Variants in FBXL17 observed in about 807,000 individuals in gnomAD.
FBXL17 encodes the protein F-box/LRR-repeat protein 17.
A neutral mutation model predicts 66.2 loss-of-function variants in FBXL17; 22 were observed. That is an observed-to-expected ratio of 0.33 (90% CI 0.24 to 0.47). The LOEUF (loss-of-function observed/expected upper bound fraction) is 0.47, where lower values mean the gene tolerates loss of function less well. Ranked by LOEUF, FBXL17 falls within the 20% of genes least tolerant of loss-of-function variation. The pLI is 1.00. For missense variants in FBXL17, 878 were observed against 948.2 expected (o/e 0.93, Z 0.97); for synonymous variants, 474 against 400.5 (o/e 1.18, Z -2.19).
intron 1 of FBXL17, among the ~76,000 whole-genome samples, chr5:108,377,429 A>T (rs1001710263): frequency 6.6e-6 from 1 of 152,212 alleles, no homozygotes; most frequent in Admixed American, 6.5e-5. Context: ...TTTATCGACA[A>T]AGGTTTTTAC....
intron 7 of FBXL17, among the ~76,000 whole-genome samples, chr5:107,882,630 A>G (rs1388167475): frequency 6.6e-6 from 1 of 152,196 alleles, no homozygotes; most frequent in Non-Finnish European, 1.5e-5. Context: ...TCTGAATACT[A>G]TTTTTGTATA....
At chr5:108,138,426 A>G (rs1478240280) in intron 6 of FBXL17, among the ~76,000 whole-genome samples, 1 of 152,072 alleles carries the variant, frequency 6.6e-6, no homozygotes, top group Non-Finnish European at 1.5e-5. Context: ...GGGCTTTTGG[A>G]TTGTGTGTAG....
intron 6 of FBXL17, among the ~76,000 whole-genome samples, chr5:108,157,896 T>C (rs1251142583): frequency 6.6e-6 from 1 of 152,032 alleles, no homozygotes; most frequent in Non-Finnish European, 1.5e-5. Context: ...TTAATACTCA[T>C]TGCCATTTTA....
At chr5:108,221,904 T>C (rs1334072994) in intron 5 of FBXL17, among the ~76,000 whole-genome samples, 1 of 152,158 alleles carries the variant, frequency 6.6e-6, no homozygotes. Flanking sequence ...TTTACTTGAA[T>C]CCAGAAAACT....
intron 6 of FBXL17, among the ~76,000 whole-genome samples, chr5:108,050,744 C>G (rs1439907296): frequency 6.6e-6 from 1 of 151,698 alleles, no homozygotes; most frequent in Admixed American, 6.6e-5. Flanking sequence ...AAACTCCCCC[C>G]CAAAAAATGA....
rs572331920 is a variant in FBXL17 at position 108,020,940 on chromosome 5, T to C, written c.1807A>G (p.Lys603Glu). 6.2e-7 allele frequency: 1 copy of C among 1,609,030 alleles called. No individual in the cohort carries two copies. The highest frequency in any genetic ancestry group is 2.2e-5 in the East Asian group (1 of 44,728). The part of the protein sequence containing the change: ...NLKELYLVSC[K>E]ITDYALIAIG... The stretch of plus-strand genomic sequence containing the variant: ...CATTACCTACCATAATCTGTGATTT[T>C]ACAGGACACCAAATATAGCTCTTTC... Residue 603 changes from lysine to glutamate, a missense_variant, in exon 7 of 9, where the codon AAA (lysine) becomes GAA (glutamate). This residue lies in a region of FBXL17 where 236 missense variants were observed against 389.1 expected (regional missense o/e 0.61). Transcript: ENST00000542267.
intron 6 of FBXL17, among the ~76,000 whole-genome samples, chr5:108,120,164 A>G (rs560404891): frequency 6.6e-6 from 1 of 152,328 alleles, no homozygotes; most frequent in East Asian, 1.9e-4. Context: ...AATGCAAAAC[A>G]TTCCCCTATT....
At chr5:107,876,959 T>C (rs954939632) in intron 8 of FBXL17, among the ~76,000 whole-genome samples, 11 of 152,296 alleles carry the variant, frequency 7.2e-5, no homozygotes, top group Admixed American at 5.2e-4. Context: ...GTGAGTTAAG[T>C]TGATAGGTGA....
intron 7 of FBXL17, among the ~76,000 whole-genome samples, chr5:107,894,017 T>C (rs1390031774): frequency 6.6e-6 from 1 of 152,142 alleles, no homozygotes; most frequent in East Asian, 1.9e-4. Flanking sequence ...GTAAATTAGA[T>C]TTATTAAAAA....
At chr5:107,980,762 T>C (rs1282724918) in intron 7 of FBXL17, among the ~76,000 whole-genome samples, 1 of 147,410 alleles carries the variant, frequency 6.8e-6, no homozygotes, top group Non-Finnish European at 1.5e-5. Context: ...GTTCATGCCA[T>C]TCTCCTGCCT....
intron 7 of FBXL17, among the ~76,000 whole-genome samples, chr5:107,889,013 T>C (rs553938313): frequency 6.6e-6 from 1 of 151,702 alleles, no homozygotes; most frequent in Non-Finnish European, 1.5e-5. Flanking sequence ...AATGTGTCTC[T>C]CTTGGATTAC....
intron 4 of FBXL17, among the ~76,000 whole-genome samples, chr5:108,274,764 C>T (rs879196125): frequency 6.6e-6 from 1 of 152,202 alleles, no homozygotes; most frequent in African/African-American, 2.4e-5. Flanking sequence ...GAAATCTTCA[C>T]AATCCACGTT....
At chr5:108,250,207 G>A (rs770551520) in intron 4 of FBXL17, among the ~76,000 whole-genome samples, 9 of 152,016 alleles carry the variant, frequency 5.9e-5, no homozygotes, top group Non-Finnish European at 1.0e-4. Context: ...CACTAAAAAC[G>A]TAATTTTTCA....
chr5:108,369,146 T>TA (rs1487308240), intron 1 of FBXL17, among the ~76,000 whole-genome samples: 2 of 152,160 alleles, frequency 1.3e-5, no homozygotes, highest in Non-Finnish European at 2.9e-5. Flanking sequence ...ATTGTTTATG[T>TA]AAAAATGCAG....
intron 6 of FBXL17, among the ~76,000 whole-genome samples, chr5:108,147,032 A>G (rs2149992333): frequency 6.6e-6 from 1 of 152,328 alleles, no homozygotes; most frequent in South Asian, 2.1e-4. Flanking sequence ...TTGCATCCTC[A>G]CATGGTGGAA....
intron 6 of FBXL17, among the ~76,000 whole-genome samples, chr5:108,123,164 C>CT (rs1009462642): frequency 6.6e-6 from 1 of 151,134 alleles, no homozygotes; most frequent in Admixed American, 6.6e-5. Context: ...TTGTCTTTTG[C>CT]TTTTTTTAAT....
At chr5:107,982,391 C>T (rs1752861696) in intron 7 of FBXL17, among the ~76,000 whole-genome samples, 1 of 151,908 alleles carries the variant, frequency 6.6e-6, no homozygotes, top group African/African-American at 2.4e-5. Context: ...CTTCAATATT[C>T]AGTAACAGAA....
intron 4 of FBXL17, among the ~76,000 whole-genome samples, chr5:108,347,440 T>C (rs925626352): frequency 2.6e-5 from 4 of 152,172 alleles, no homozygotes; most frequent in African/African-American, 9.7e-5. Flanking sequence ...GACAACTTTT[T>C]CTTTTAACTG....
chr5:108,074,695 G>A (rs970820400), intron 6 of FBXL17, among the ~76,000 whole-genome samples: 5 of 152,198 alleles, frequency 3.3e-5, no homozygotes, highest in African/African-American at 9.6e-5. Flanking sequence ...GTCATGGACA[G>A]ATTCATCTCA....
Sources: allele counts gnomAD v4.1 joint callset (sites outside exome capture counted in the v4.1 genomes callset), GRCh38; gene constraint gnomAD v4.1.1; regional missense constraint gnomAD v4.1.1; transcripts MANE v1.5; gene names NCBI Gene and HGNC (gene_info 2026-07-23, HGNC 2026-07-21).